Variants in ADGRG6 observed in about 807,000 individuals in gnomAD.
The protein encoded by ADGRG6 is G-protein coupled receptor 126.
In ADGRG6, 84 loss-of-function variants were observed where a neutral mutation model predicts 142.4. The ratio of observed to expected loss-of-function variants is 0.59; its 90% confidence interval spans 0.49 to 0.71. The LOEUF (loss-of-function observed/expected upper bound fraction) is 0.71, where lower values mean the gene tolerates loss of function less well. ADGRG6 is among the 30% of genes least tolerant of loss of function. ADGRG6 has a pLI of 0.00. For synonymous variants in ADGRG6, 521 were observed against 520.5 expected (o/e 1.00, Z -0.01); for missense variants, 1,367 against 1,466.6 (o/e 0.93, Z 1.11).
At chr6:142,389,582 A>G (rs1054897105) in intron 6 of ADGRG6, among the ~76,000 whole-genome samples, 1 of 151,920 alleles carries the variant, frequency 6.6e-6, no homozygotes, top group Admixed American at 6.6e-5. Context: ...TCTTCTTTAC[A>G]ATAAGGTTTT....
rs893322556 is a variant in ADGRG6, at chr6:142,302,240, T to C, written c.-90T>C. ...GCGGCGCAGGGCTGGGGCGCCTGGG[T>C]TCCCCCTGGGTGGAGCAGCGGCAGC... On this transcript the variant is annotated 5_prime_UTR_variant, in exon 1 of 25. Transcript: ENST00000367609. 11 of 1,506,758 alleles carry C rather than the reference T, an allele frequency of 7.3e-6. No homozygotes were observed. Among genetic ancestry groups the C allele is most frequent in the Non-Finnish European group, 1.0e-5 (11 of 1,103,248 alleles). The allele number at this position is 1,506,758 out of a possible 1,614,324, so 93.3% of individuals were successfully genotyped here. A position where few individuals can be genotyped will look rare whatever the true frequency, so the allele number is the denominator to read the frequency against.
At chr6:142,387,629 C>G (rs1183759534) in intron 6 of ADGRG6, among the ~76,000 whole-genome samples, 5 of 152,038 alleles carry the variant, frequency 3.3e-5, no homozygotes, top group African/African-American at 1.2e-4. Context: ...TTCAAATAGG[C>G]CTATCATTTC....
intron 15 of ADGRG6, 88 bp downstream of exon 15, chr6:142,405,916 A>G (rs1475766130): frequency 3.2e-6 from 3 of 937,776 alleles, no homozygotes; most frequent in African/African-American, 1.7e-5. Flanking sequence ...CTGTTGAAAT[A>G]TATCAGAAGG....
intron 10 of ADGRG6, among the ~76,000 whole-genome samples, chr6:142,400,235 A>C (rs1583095011): frequency 6.6e-6 from 1 of 152,296 alleles, no homozygotes; most frequent in East Asian, 1.9e-4. Context: ...TACTTACATA[A>C]CTGTGTTTTT....
Position 142,403,984 on chromosome 6 carries a change from A to C in ADGRG6, c.2127+11A>C. The C allele has an allele frequency of 6.3e-7, 1 of 1,585,936 alleles. No homozygotes were observed. The highest frequency in any genetic ancestry group is 8.6e-7 in the Non-Finnish European group (1 of 1,157,098). ...GAATCGTATTTCCAGGTAATGAGCC[A>C]GTGGTTTCTTTCATTTTAATTAATT... On this transcript the variant is annotated intron_variant, in intron 14 of 24. Transcript: ENST00000367609.
At chr6:142,340,161 AT>A (rs1296450510) in intron 2 of ADGRG6, among the ~76,000 whole-genome samples, 1 of 152,162 alleles carries the variant, frequency 6.6e-6, no homozygotes, top group Non-Finnish European at 1.5e-5. Context: ...AAAGGGGAAC[AT>A]TAGAAGTGGG....
chr6:142,397,583 A>G lies in ADGRG6; in HGVS notation c.1425-30A>G, dbSNP rs765782687. The G allele has an allele frequency of 8.8e-6, 14 of 1,594,456 alleles. No homozygotes were observed. The Admixed American group carries it at 9.0e-5, about 10-fold the overall frequency. ...AATGACAAGCAACCAATGAACAACA[A>G]CAACAGTTCTATCCGAAATGTTTCC... On this transcript the variant is annotated intron_variant, in intron 9 of 24. Transcript: ENST00000367609.
intron 1 of ADGRG6, among the ~76,000 whole-genome samples, chr6:142,306,925 T>C (rs1777527981): frequency 6.6e-6 from 1 of 152,152 alleles, no homozygotes; most frequent in Non-Finnish European, 1.5e-5. Flanking sequence ...TAGTTACAAG[T>C]GCTTGCCTTG....
intron 2 of ADGRG6, 28 bp from the exon 3 acceptor site, chr6:142,367,541 C>G (rs1257176347): frequency 6.3e-7 from 1 of 1,586,156 alleles, no homozygotes; most frequent in Non-Finnish European, 8.6e-7. Context: ...CAGCCCTTCT[C>G]TCTGTCTCTC....
chr6:142,396,499 C>T (rs548852053), intron 9 of ADGRG6, among the ~76,000 whole-genome samples: 1 of 152,124 alleles, frequency 6.6e-6, no homozygotes, highest in Non-Finnish European at 1.5e-5. Context: ...GCAAATATTT[C>T]ACATATTCCT....
At chr6:142,398,441 A>C (rs1051035518) in intron 10 of ADGRG6, among the ~76,000 whole-genome samples, 8 of 152,064 alleles carry the variant, frequency 5.3e-5, no homozygotes, top group Non-Finnish European at 1.0e-4. Flanking sequence ...ACAAACAGAA[A>C]ACGTCTCCTT....
At chr6:142,356,166 ATAAGCT>A (rs1367904355) in intron 2 of ADGRG6, among the ~76,000 whole-genome samples, 1 of 152,254 alleles carries the variant, frequency 6.6e-6, no homozygotes, top group African/African-American at 2.4e-5. Context: ...TATAAAAGTA[ATAAGCT>A]ATTTTTTGTA....
chr6:142,310,195 T>A (rs999251666), intron 2 of ADGRG6, among the ~76,000 whole-genome samples: 1 of 151,888 alleles, frequency 6.6e-6, no homozygotes, highest in Non-Finnish European at 1.5e-5. Flanking sequence ...TAGTTACATT[T>A]TTTTGAACTT....
At chr6:142,302,679 T>G in intron 1 of ADGRG6, 1 of 302,996 alleles carries the variant, frequency 3.3e-6, no homozygotes, top group Non-Finnish European at 6.0e-6. Context: ...CGCTCCTCAG[T>G]CCAGAGGCCT....
At chr6:142,349,409 A>G (rs1160227695) in intron 2 of ADGRG6, among the ~76,000 whole-genome samples, 3 of 152,230 alleles carry the variant, frequency 2.0e-5, no homozygotes, top group Non-Finnish European at 2.9e-5. Context: ...AATGCCCCAC[A>G]TAGTTGCTTA....
intron 22 of ADGRG6, 131 bp from the exon 23 acceptor site, chr6:142,437,303 C>G: frequency 3.6e-6 from 2 of 552,234 alleles, no homozygotes; most frequent in South Asian, 4.4e-5. Context: ...AGATTCATTT[C>G]CTTAAGATCT....
chr6:142,439,610 C>T (rs1777645768), intron 24 of ADGRG6, among the ~76,000 whole-genome samples: 1 of 152,148 alleles, frequency 6.6e-6, no homozygotes, highest in African/African-American at 2.4e-5. Context: ...TTAGACAGTT[C>T]TTTAATTCCA....
In ADGRG6 at chr6:142,440,856, A is replaced by G. The variant is rs1049617643; in HGVS notation, c.3575-2481A>G. 5 of 880,082 alleles carry G rather than the reference A, an allele frequency of 5.7e-6. No individual in the cohort carries two copies. The African/African-American group carries it at 6.9e-5, about 12-fold the overall frequency. 54.5% of individuals were successfully genotyped at this position (880,082 alleles called of 1,614,324 possible). On this transcript the variant is annotated intron_variant, in intron 24 of 24. Transcript: ENST00000367609. ...TCACTGCATATCATCATGGATATCT[A>G]GCTGGTTCATTTCTTGGAATTGATC... is the stretch of plus-strand genomic sequence containing the variant.
chr6:142,344,821 T>TATGA (rs1779816938), intron 2 of ADGRG6, among the ~76,000 whole-genome samples: 1 of 152,012 alleles, frequency 6.6e-6, no homozygotes, highest in African/African-American at 2.4e-5. Flanking sequence ...TGATATTCAG[T>TATGA]ATGAGTCTAC....
Sources: gnomAD v4.1 joint callset for allele counts (sites outside exome capture counted in the v4.1 genomes callset) on GRCh38, gnomAD v4.1.1 for gene constraint, MANE v1.5 for transcripts, NCBI Gene and HGNC (gene_info 2026-07-23, HGNC 2026-07-21) for gene names.